Variants in GALNT18 observed in about 807,000 individuals in gnomAD.
GALNT18 encodes GalNAc-transferase 18.
Under a neutral mutation model 69.5 loss-of-function variants are expected in GALNT18, and 44 were observed. That is an observed-to-expected ratio of 0.63 (90% confidence interval 0.50 to 0.81). The LOEUF is 0.81. Ranked by LOEUF, GALNT18 falls within the 40% of genes least tolerant of loss-of-function variation. GALNT18 has a pLI of 0.00. For synonymous variants in GALNT18, 364 were observed against 318.2 expected (o/e 1.14, Z -1.53); for missense variants, 715 against 810.0 (o/e 0.88, Z 1.42).
rs1403281897 is a variant in GALNT18, at chr11:11,505,756, T to C, written c.236-56820A>G. On this transcript the variant is annotated intron_variant, in intron 1 of 10. Transcript: ENST00000227756. This position sits in a 1 kb window ranked among gnomAD's most constrained non-coding sequence, Gnocchi z 4.6. ...TCCTCCCTGAATCCAGTGTACCTGC[T>C]CTCTCTCCTTCATTTGCATGCCTTC... Among the ~76,000 whole-genome samples the C allele has an allele frequency of 6.6e-6, 1 of 152,188 alleles. No homozygotes were observed. The highest frequency in any genetic ancestry group is 1.9e-4 in the East Asian group (1 of 5,192).
intron 6 of GALNT18, among the ~76,000 whole-genome samples, chr11:11,355,772 T>C (rs1399774382): frequency 6.6e-6 from 1 of 152,124 alleles, no homozygotes; most frequent in African/African-American, 2.4e-5. Context: ...TGTGCAGCAT[T>C]TGAAGCAGGC....
rs1218105368 is a variant in GALNT18 at position 11,496,164 on chromosome 11, C to T, written c.236-47228G>A. ...AATGAATGAACAAATATGGAGAAAG[C>T]GTCTCTTGCAAACACTTCTCCACTA... On this transcript the variant is annotated intron_variant, in intron 1 of 10. Transcript: ENST00000227756. The surrounding 1 kb of genome is among the most constrained non-coding windows in gnomAD (Gnocchi z 4.0). Among the ~76,000 whole-genome samples, 2 of 152,210 alleles carry T rather than the reference C, an allele frequency of 1.3e-5. No homozygotes were observed. Among genetic ancestry groups the T allele is most frequent in the Non-Finnish European group, 2.9e-5 (2 of 68,042 alleles).
intron 3 of GALNT18, among the ~76,000 whole-genome samples, chr11:11,386,903 G>A (rs377247216): frequency 1.3e-5 from 2 of 152,170 alleles, no homozygotes; most frequent in South Asian, 2.1e-4. Flanking sequence ...TGAAATCGCA[G>A]GCTCCAGAGT....
intron 1 of GALNT18, among the ~76,000 whole-genome samples, chr11:11,462,515 A>G (rs1296599913): frequency 6.6e-6 from 1 of 151,188 alleles, no homozygotes; most frequent in African/African-American, 2.4e-5. Context: ...CTGGTCTCGA[A>G]CTCTTAACCT....
intron 1 of GALNT18, among the ~76,000 whole-genome samples, chr11:11,577,143 C>T (rs1055384475): frequency 1.3e-5 from 2 of 152,208 alleles, no homozygotes; most frequent in African/African-American, 2.4e-5. Context: ...ATCTGCAGTG[C>T]GGATGAAATG....
intron 10 of GALNT18, among the ~76,000 whole-genome samples, chr11:11,275,370 C>G (rs1028257609): frequency 6.6e-6 from 1 of 152,140 alleles, no homozygotes; most frequent in Admixed American, 6.5e-5. Flanking sequence ...ATATCCTTTA[C>G]CCACTTTTAG....
intron 4 of GALNT18, among the ~76,000 whole-genome samples, chr11:11,378,743 G>A (rs2133690525): frequency 6.6e-6 from 1 of 152,264 alleles, no homozygotes; most frequent in East Asian, 1.9e-4. Flanking sequence ...CCTAGGTGTG[G>A]GAACCCTGTC....
chr11:11,510,999 G>A (rs1857153207), intron 1 of GALNT18, among the ~76,000 whole-genome samples: 3 of 151,788 alleles, frequency 2.0e-5, no homozygotes, highest in African/African-American at 7.3e-5. Flanking sequence ...GACACAACCG[G>A]CACTCTTTCC....
chr11:11,289,140 C>T (rs770956224), intron 10 of GALNT18, among the ~76,000 whole-genome samples: 3 of 152,194 alleles, frequency 2.0e-5, no homozygotes, highest in Non-Finnish European at 4.4e-5. Context: ...CTGGCTTCTT[C>T]AGGCCTTGTC....
chr11:11,282,923 CAAGGA>C (rs1358234676), intron 10 of GALNT18, among the ~76,000 whole-genome samples: 1 of 135,820 alleles, frequency 7.4e-6, no homozygotes, highest in Non-Finnish European at 1.7e-5. Context: ...AAAATGTAGA[CAAGGA>C]AAGAGGCTCG....
rs1860129258 is a variant in GALNT18 at position 11,619,235 on chromosome 11, T to C, written c.235+2124A>G. On this transcript the variant is annotated intron_variant, in intron 1 of 10. Transcript: ENST00000227756. This position sits in a 1 kb window ranked among gnomAD's most constrained non-coding sequence, Gnocchi z 4.9. Reference sequence around the variant, plus strand: ...CCTCTGTCGAGATTGTGGTTATTTCTGAATACCCACAGGGGTCATTGCACG... The same window carrying C: ...CCTCTGTCGAGATTGTGGTTATTTCCGAATACCCACAGGGGTCATTGCACG... Among the ~76,000 whole-genome samples, 2 of 152,208 alleles carry C rather than the reference T, an allele frequency of 1.3e-5. No homozygotes were observed. The highest frequency in any genetic ancestry group is 1.3e-4 in the Admixed American group (2 of 15,290).
intron 1 of GALNT18, among the ~76,000 whole-genome samples, chr11:11,455,039 A>G (rs1407034619): frequency 6.6e-6 from 1 of 152,160 alleles, no homozygotes; most frequent in Non-Finnish European, 1.5e-5. Context: ...GCCCATCCCC[A>G]GGGTGCGGGG....
intron 6 of GALNT18, among the ~76,000 whole-genome samples, chr11:11,371,169 A>G (rs1477073081): frequency 6.6e-6 from 1 of 152,204 alleles, no homozygotes; most frequent in Non-Finnish European, 1.5e-5. Flanking sequence ...GCCAGTCCTC[A>G]AAGCCCTAGC....
rs1476107511 is a variant in GALNT18, at chr11:11,314,714, G to A, written c.1512+12372C>T. On this transcript the variant is annotated intron_variant, in intron 9 of 10. Transcript: ENST00000227756. This position sits in a 1 kb window ranked among gnomAD's most constrained non-coding sequence, Gnocchi z 5.2. ...GGATAACTGCAGGCAGGTTCCAGGG[G>A]GCAGCTGTGAAAGTCCTTTGGGCTA... 6.6e-6 allele frequency among the ~76,000 whole-genome samples: 1 copy of A among 152,202 alleles called. No homozygotes were observed. Among genetic ancestry groups the A allele is most frequent in the Non-Finnish European group, 1.5e-5 (1 of 68,032 alleles).
chr11:11,597,698 T>A (rs934872681), intron 1 of GALNT18, among the ~76,000 whole-genome samples: 17 of 151,448 alleles, frequency 1.1e-4, no homozygotes, highest in African/African-American at 3.9e-4. Context: ...TCTCACTCTG[T>A]CATCCAGGCT....
chr11:11,370,638 C>T (rs1217032175), intron 6 of GALNT18, among the ~76,000 whole-genome samples: 1 of 151,116 alleles, frequency 6.6e-6, no homozygotes, highest in Non-Finnish European at 1.5e-5. Flanking sequence ...AAACTCTGTA[C>T]ACGAAACCAC....
chr11:11,449,590 G>A (rs1855746544), intron 1 of GALNT18, among the ~76,000 whole-genome samples: 1 of 152,214 alleles, frequency 6.6e-6, no homozygotes, highest in African/African-American at 2.4e-5. Context: ...CTGCTCATGG[G>A]AGCCCTTGTG....
chr11:11,471,304 A>G (rs1856263657), intron 1 of GALNT18, among the ~76,000 whole-genome samples: 2 of 152,348 alleles, frequency 1.3e-5, no homozygotes, highest in East Asian at 3.9e-4. Flanking sequence ...TTTGGTAAAT[A>G]AATGAAAGAA....
At chr11:11,531,603 T>G (rs1392966586) in intron 1 of GALNT18, among the ~76,000 whole-genome samples, 1 of 152,168 alleles carries the variant, frequency 6.6e-6, no homozygotes. Flanking sequence ...GGTCAGGGTA[T>G]TTCTTCCCCT....
Sources: gnomAD v4.1 joint callset for allele counts (sites outside exome capture counted in the v4.1 genomes callset) on GRCh38, gnomAD v4.1.1 for gene constraint, Gnocchi (gnomAD v3.1) non-coding constraint, MANE v1.5 for transcripts, NCBI Gene and HGNC (gene_info 2026-07-23, HGNC 2026-07-21) for gene names.